The following CES5A variants were observed in gnomAD, a reference collection of about 807,000 sequenced individuals.
CES5A encodes carboxylesterase 5A, also known as carboxylesterase 5.
Under a neutral mutation model 62.9 loss-of-function variants are expected in CES5A, and 67 were observed. The ratio of observed to expected loss-of-function variants is 1.07; its 90% CI spans 0.88 to 1.31. The LOEUF (loss-of-function observed/expected upper bound fraction) is 1.31. CES5A is among the 50% of genes most tolerant of loss of function. The pLI, the probability that CES5A is intolerant of heterozygous loss-of-function variation, is 0.00. For synonymous variants in CES5A, 296 were observed against 280.8 expected (o/e 1.05, Z -0.54); for missense variants, 748 against 708.5 (o/e 1.06, Z -0.63).
chr16:55,946,218 A>G (rs1171203098), intron 2 of CES5A, among the ~76,000 whole-genome samples: 1 of 152,150 alleles, frequency 6.6e-6, no homozygotes, highest in Non-Finnish European at 1.5e-5. Context: ...TGCAATGTCC[A>G]TTTGGAAGGT....
upstream of CES5A, among the ~76,000 whole-genome samples, chr16:55,929,113 A>G (rs1025308643): frequency 6.6e-6 from 1 of 152,236 alleles, no homozygotes; most frequent in Non-Finnish European, 1.5e-5. Context: ...AGACTCCACA[A>G]GCTGGAACCA....
chr16:55,892,411 T>A (rs1253730264), intron 1 of CES5A, among the ~76,000 whole-genome samples: 1 of 152,160 alleles, frequency 6.6e-6, no homozygotes, highest in East Asian at 1.9e-4. Flanking sequence ...CTTGACCTCC[T>A]GAGGGCTGTG....
At chr16:55,943,363 C>A (rs2034464111) in intron 2 of CES5A, among the ~76,000 whole-genome samples, 1 of 152,198 alleles carries the variant, frequency 6.6e-6, no homozygotes. Flanking sequence ...ACACACAGAG[C>A]AAGCTTTTGC....
intron 1 of CES5A, among the ~76,000 whole-genome samples, chr16:55,881,154 A>G (rs1290082564): frequency 6.6e-6 from 1 of 152,160 alleles, no homozygotes; most frequent in Non-Finnish European, 1.5e-5. Context: ...AGACACTTGT[A>G]CTCTGGTAAC....
intron 1 of CES5A, 64 bp from the exon 2 acceptor site, chr16:55,874,101 G>T: frequency 7.0e-7 from 1 of 1,428,386 alleles, no homozygotes. Flanking sequence ...GGCCCACCCA[G>T]TCTGGAGCTC....
chr16:55,905,650 GT>G (rs1348691724), intron 1 of CES5A, among the ~76,000 whole-genome samples: 3 of 151,984 alleles, frequency 2.0e-5, no homozygotes, highest in Non-Finnish European at 4.4e-5. Context: ...ATGAGCCACC[GT>G]GCCTGGCCCT....
intron 2 of CES5A, among the ~76,000 whole-genome samples, chr16:55,934,382 C>T (rs1326629583): frequency 6.6e-6 from 1 of 152,072 alleles, no homozygotes; most frequent in African/African-American, 2.4e-5. Context: ...TGTGTCATCA[C>T]GTGGAATGGA....
chr16:55,917,405 T>C (rs1228244289), intron 1 of CES5A, among the ~76,000 whole-genome samples: 2 of 152,248 alleles, frequency 1.3e-5, no homozygotes, highest in African/African-American at 2.4e-5. Flanking sequence ...CATAAGATTA[T>C]GGTCATGCTG....
Position 55,859,574 on chromosome 16 carries a change from G to A in CES5A, c.1029C>T (p.Asn343=). Residue 343 remains asparagine (N), a synonymous_variant, in exon 8 of 13, where the codon AAC becomes AAT. Transcript: ENST00000290567. The part of the protein sequence containing the change: ...KAIPSIIGVN[N]HECGFLLPMK... ...TAGGCAGCAGGAAGCCACACTCGTG[G>A]TTATTGACTCCGATGATGGAAGGAA... 1 of 1,613,508 alleles carries A rather than the reference G, an allele frequency of 6.2e-7. No homozygotes were observed. The highest frequency in any genetic ancestry group is 8.5e-7 in the Non-Finnish European group (1 of 1,179,876).
chr16:55,849,283 T>C (rs769250235), intron 11 of CES5A, among the ~76,000 whole-genome samples: 106 of 152,020 alleles, frequency 7.0e-4, no homozygotes, highest in Middle Eastern at 3.2e-3. Flanking sequence ...CCTCATGGGA[T>C]TTCTGGGAAG....
chr16:55,866,955 T>C (rs1279573060), intron 4 of CES5A, among the ~76,000 whole-genome samples: 1 of 152,174 alleles, frequency 6.6e-6, no homozygotes, highest in Non-Finnish European at 1.5e-5. Context: ...CCCTCACACC[T>C]ATGAGGTAGG....
At chr16:55,894,734 A>G (rs532451073) in intron 1 of CES5A, among the ~76,000 whole-genome samples, 29 of 152,296 alleles carry the variant, frequency 1.9e-4, no homozygotes, top group African/African-American at 5.5e-4. Context: ...GAACCTCAAC[A>G]GAGGAGTTTA....
chr16:55,853,297 A>C (rs1232359051), intron 9 of CES5A, among the ~76,000 whole-genome samples: 1 of 152,246 alleles, frequency 6.6e-6, no homozygotes, highest in East Asian at 1.9e-4. Context: ...TCCTGACCAC[A>C]GGCTTCTCTC....
intron 1 of CES5A, among the ~76,000 whole-genome samples, chr16:55,888,730 C>G (rs754549990): frequency 1.3e-5 from 2 of 152,192 alleles, no homozygotes; most frequent in Non-Finnish European, 2.9e-5. Flanking sequence ...TGAATCTTCA[C>G]AAAATGCTAT....
chr16:55,859,823 A>G, intron 7 of CES5A, 136 bp from the exon 8 acceptor site: 1 of 710,500 alleles, frequency 1.4e-6, no homozygotes, highest in Non-Finnish European at 2.3e-6. Context: ...AGTAAAAACA[A>G]ACACTATGGG....
intron 1 of CES5A, among the ~76,000 whole-genome samples, chr16:55,899,367 T>C (rs2033966510): frequency 6.6e-6 from 1 of 152,196 alleles, no homozygotes; most frequent in South Asian, 2.1e-4. Flanking sequence ...CCCTGCTGCA[T>C]ATCCTTCTGA....
At chr16:55,954,014 A>G (rs898280586) in intron 1 of CES5A, among the ~76,000 whole-genome samples, 4 of 152,172 alleles carry the variant, frequency 2.6e-5, no homozygotes, top group African/African-American at 9.7e-5. Context: ...TTTTGCACCC[A>G]TTAATCATCC....
chr16:55,861,267 C>T, intron 7 of CES5A, 145 bp downstream of exon 7: 1 of 617,650 alleles, frequency 1.6e-6, no homozygotes, highest in Non-Finnish European at 2.9e-6. Context: ...TATATCCCTA[C>T]TTATTTTTTT....
At chr16:55,897,646 A>G (rs2033947358) in intron 1 of CES5A, among the ~76,000 whole-genome samples, 1 of 152,220 alleles carries the variant, frequency 6.6e-6, no homozygotes, top group African/African-American at 2.4e-5. Context: ...TCAATGTACA[A>G]TGGGGAAACT....
Sources: allele counts gnomAD v4.1 joint callset (sites outside exome capture counted in the v4.1 genomes callset), GRCh38; gene constraint gnomAD v4.1.1; transcripts MANE v1.5; gene names NCBI Gene and HGNC (gene_info 2026-07-23, HGNC 2026-07-21).